CSNK1G1: variants seen among roughly 807,000 people sequenced by gnomAD.
CSNK1G1 encodes casein kinase I isoform gamma-1.
In CSNK1G1, 22 loss-of-function variants were observed where a neutral mutation model predicts 59.6. The ratio of observed to expected loss-of-function variants is 0.37; its 90% CI spans 0.26 to 0.53. The LOEUF is 0.53. Ranked by LOEUF, CSNK1G1 falls within the 20% of genes least tolerant of loss-of-function variation. CSNK1G1 has a pLI of 0.89. For missense variants in CSNK1G1, 384 were observed against 519.5 expected (o/e 0.74, Z 2.54); for synonymous variants, 179 against 177.1 (o/e 1.01, Z -0.08).
chr15:64,348,003 T>G (rs976101528), intron 1 of CSNK1G1, among the ~76,000 whole-genome samples: 2 of 142,892 alleles, frequency 1.4e-5, no homozygotes, highest in African/African-American at 5.2e-5. Flanking sequence ...CAACTCTGTG[T>G]CAAAAAAAAA....
intron 6 of CSNK1G1, among the ~76,000 whole-genome samples, chr15:64,207,851 A>G (rs146532928): frequency 6.6e-6 from 1 of 151,482 alleles, no homozygotes; most frequent in African/African-American, 2.5e-5. Context: ...CCAAATCACT[A>G]AACAGTGAAT....
At chr15:64,308,043 A>G (rs1895782884) in intron 1 of CSNK1G1, among the ~76,000 whole-genome samples, 1 of 152,146 alleles carries the variant, frequency 6.6e-6, no homozygotes, top group Non-Finnish European at 1.5e-5. Context: ...CTACTTGCCA[A>G]AAAGGCACAG....
chr15:64,168,911 A>G lies in CSNK1G1; in HGVS notation c.*3020T>C, dbSNP rs2081632793. ...AAGTGCCAATGGCTCTGGAGGGATC[A>G]CCATTACTCTGCATGCTAAAGGGAC... On this transcript the variant is annotated 3_prime_UTR_variant, in exon 12 of 12. Coordinates refer to ENST00000303052, the MANE Select transcript of CSNK1G1 (RefSeq NM_022048.5). 1 of 152,506 alleles carries G rather than the reference A, an allele frequency of 6.6e-6. No individual in the cohort carries two copies. Among genetic ancestry groups the G allele is most frequent in the Non-Finnish European group, 1.5e-5 (1 of 68,046 alleles). The allele number at this position is 152,506 out of a possible 1,614,324, so 9.4% of individuals were successfully genotyped here. A position where few individuals can be genotyped will look rare whatever the true frequency, so the allele number is the denominator to read the frequency against.
chr15:64,320,400 C>T (rs764149786), intron 1 of CSNK1G1, among the ~76,000 whole-genome samples: 17 of 152,032 alleles, frequency 1.1e-4, no homozygotes, highest in Non-Finnish European at 1.8e-4. Context: ...AATATGGGGC[C>T]GGGCACAGTG....
intron 1 of CSNK1G1, among the ~76,000 whole-genome samples, chr15:64,341,799 T>C (rs1156870778): frequency 2.0e-5 from 3 of 152,150 alleles, no homozygotes; most frequent in Non-Finnish European, 2.9e-5. Context: ...AGTAAGCTTC[T>C]TGGGCATGAC....
chr15:64,351,868 C>T (rs1596309191), intron 1 of CSNK1G1, among the ~76,000 whole-genome samples: 2 of 151,556 alleles, frequency 1.3e-5, no homozygotes, highest in Admixed American at 1.3e-4. Context: ...AACTCCGTCT[C>T]AAAAACAAAA....
At chr15:64,215,373 C>T (rs1411336548) in intron 5 of CSNK1G1, among the ~76,000 whole-genome samples, 1 of 151,972 alleles carries the variant, frequency 6.6e-6, no homozygotes, top group African/African-American at 2.4e-5. Flanking sequence ...CCACCACGCC[C>T]AGCTAATTTT....
chr15:64,230,671 G>T (rs894041593), intron 4 of CSNK1G1, among the ~76,000 whole-genome samples: 3 of 152,108 alleles, frequency 2.0e-5, no homozygotes, highest in African/African-American at 7.2e-5. Context: ...GTCTGTGAGG[G>T]TATTTAAAAA....
intron 2 of CSNK1G1, among the ~76,000 whole-genome samples, chr15:64,283,776 C>T (rs182764107): frequency 1.3e-4 from 20 of 152,336 alleles, no homozygotes; most frequent in African/African-American, 4.8e-4. Context: ...AGCCACTGCA[C>T]CTAGCCAACT....
intron 1 of CSNK1G1, among the ~76,000 whole-genome samples, chr15:64,332,680 AT>A (rs376195287): frequency 0.047 from 6,866 of 144,902 alleles, 227 homozygotes; most frequent in South Asian, 0.14. Flanking sequence ...ATAATTAAAA[AT>A]AAAATAAAAT....
chr15:64,267,158 G>A (rs916332482), intron 2 of CSNK1G1, among the ~76,000 whole-genome samples: 3 of 151,400 alleles, frequency 2.0e-5, no homozygotes, highest in Non-Finnish European at 4.4e-5. Flanking sequence ...TTGGGAGGCT[G>A]AGGCAGGAGA....
In CSNK1G1 at chr15:64,300,524, T is replaced by A. The variant is rs368461643; in HGVS notation, c.-25A>T. 2 of 1,603,162 alleles carry A rather than the reference T, an allele frequency of 1.2e-6. No homozygotes were observed. Among genetic ancestry groups the A allele is most frequent in the Middle Eastern group, 3.3e-4 (2 of 5,988 alleles). ...TGATCCTACAGGACAGAGTCTCCTATAGTACAGCAAGTAGCTTCAGTATGT... is the reference window on the plus strand; with the variant it reads ...TGATCCTACAGGACAGAGTCTCCTAAAGTACAGCAAGTAGCTTCAGTATGT... On this transcript the variant is annotated 5_prime_UTR_variant, in exon 2 of 12. Coordinates refer to ENST00000303052, the MANE Select transcript of CSNK1G1 (RefSeq NM_022048.5).
chr15:64,322,418 G>C (rs1896612751), intron 1 of CSNK1G1, among the ~76,000 whole-genome samples: 1 of 151,774 alleles, frequency 6.6e-6, no homozygotes, highest in Non-Finnish European at 1.5e-5. Context: ...GCCCAGGCTG[G>C]TCTCGAACTC....
chr15:64,224,744 T>G (rs760251654), intron 4 of CSNK1G1, among the ~76,000 whole-genome samples: 52 of 152,162 alleles, frequency 3.4e-4, no homozygotes, highest in South Asian at 6.2e-4. Context: ...CTGCCAAACA[T>G]AGGCTGCTAA....
At chr15:64,345,270 T>C (rs1025886615) in intron 1 of CSNK1G1, among the ~76,000 whole-genome samples, 3 of 152,202 alleles carry the variant, frequency 2.0e-5, no homozygotes, top group African/African-American at 7.2e-5. Flanking sequence ...AGAATCAAGA[T>C]TCTCAGCCTG....
chr15:64,213,820 GA>G, intron 6 of CSNK1G1, 69 bp downstream of exon 6: 1 of 1,036,672 alleles, frequency 9.6e-7, no homozygotes, highest in Non-Finnish European at 1.5e-6. Context: ...GCACAATGGG[GA>G]TATAATGTTA....
intron 4 of CSNK1G1, among the ~76,000 whole-genome samples, chr15:64,243,162 CCT>C (rs1302879056): frequency 6.6e-6 from 1 of 151,952 alleles, no homozygotes; most frequent in Non-Finnish European, 1.5e-5. Flanking sequence ...ATGGTGATAC[CCT>C]GTCTCTACTA....
At chr15:64,342,214 C>A (rs1454454580) in intron 1 of CSNK1G1, among the ~76,000 whole-genome samples, 2 of 152,200 alleles carry the variant, frequency 1.3e-5, no homozygotes, top group African/African-American at 4.8e-5. Flanking sequence ...AGCTTGACAT[C>A]CTGGCTCCAC....
intron 10 of CSNK1G1, among the ~76,000 whole-genome samples, chr15:64,193,608 G>A (rs2082002612): frequency 6.6e-6 from 1 of 151,986 alleles, no homozygotes; most frequent in South Asian, 2.1e-4. Flanking sequence ...TGTCATTTGT[G>A]CAGAGATATC....
Sources: gnomAD v4.1 joint callset for allele counts (sites outside exome capture counted in the v4.1 genomes callset) on GRCh38, gnomAD v4.1.1 for gene constraint, MANE v1.5 for transcripts, NCBI Gene and HGNC (gene_info 2026-07-23, HGNC 2026-07-21) for gene names.